Variants in PITPNM3 observed in about 807,000 individuals in gnomAD.
The protein encoded by PITPNM3 is membrane-associated phosphatidylinositol transfer protein 3.
Under a neutral mutation model 102.0 loss-of-function variants are expected in PITPNM3, and 26 were observed. That is an observed-to-expected ratio of 0.25 (90% CI 0.19 to 0.35). The LOEUF (loss-of-function observed/expected upper bound fraction) is 0.35, where lower values mean the gene tolerates loss of function less well. PITPNM3 is among the 10% of genes least tolerant of loss of function. The probability of loss-of-function intolerance (pLI) is 1.00; values close to 1 mark genes in which losing one functional copy is unlikely to be tolerated. For missense variants in PITPNM3, 1,083 were observed against 1,346.1 expected (o/e 0.80, Z 3.06); for synonymous variants, 578 against 558.6 (o/e 1.03, Z -0.49).
At chr17:6,475,689 C>T (rs939414624) in intron 9 of PITPNM3, among the ~76,000 whole-genome samples, 2 of 152,228 alleles carry the variant, frequency 1.3e-5, no homozygotes, top group Non-Finnish European at 1.5e-5. Context: ...AAACCACCAT[C>T]TGTCCCTACA....
In PITPNM3 at chr17:6,452,963, TCTCTCTCTCTCTTC is replaced by T. The variant is rs1913910846; in HGVS notation, c.*2361_*2374del. ...CATGAGCTCTCTCTCTCTCTTCCTC[TCTCTCTCTCTCTTC>T]CTCTCTCTCTCTCTCTGTCTTCCTT... On this transcript the variant is annotated 3_prime_UTR_variant, in exon 20 of 20. Transcript: ENST00000262483. 6.7e-6 allele frequency: 1 copy of T among 149,150 alleles called. No homozygotes were observed. The highest frequency in any genetic ancestry group is 1.5e-5 in the Non-Finnish European group (1 of 67,730). The allele number at this position is 149,150 out of a possible 1,614,324, so 9.2% of individuals were successfully genotyped here.
chr17:6,551,463 T>C (rs1265743251), intron 1 of PITPNM3, among the ~76,000 whole-genome samples: 1 of 152,116 alleles, frequency 6.6e-6, no homozygotes, highest in Non-Finnish European at 1.5e-5. Flanking sequence ...GAGTTTACCA[T>C]CTCCTTGCAG....
chr17:6,455,217 G>T lies in PITPNM3; in HGVS notation c.*121C>A. 1 of 1,300,976 alleles carries T rather than the reference G, an allele frequency of 7.7e-7. No individual in the cohort carries two copies. Among genetic ancestry groups the T allele is most frequent in the Non-Finnish European group, 1.0e-6 (1 of 970,664 alleles). The allele number at this position is 1,300,976 out of a possible 1,614,324, so 80.6% of individuals were successfully genotyped here. Reference sequence around the variant, plus strand: ...CTCCCCGCTCTGGTCGGACACTGCTGGACAGACACGGGAGGGAAAAAGCAG... The same window carrying T: ...CTCCCCGCTCTGGTCGGACACTGCTTGACAGACACGGGAGGGAAAAAGCAG... On this transcript the variant is annotated 3_prime_UTR_variant, in exon 20 of 20. Coordinates refer to ENST00000262483, the MANE Select transcript of PITPNM3 (RefSeq NM_031220.4).
At chr17:6,520,087 G>GT (rs1479328763) in intron 3 of PITPNM3, among the ~76,000 whole-genome samples, 1 of 152,158 alleles carries the variant, frequency 6.6e-6, no homozygotes, top group African/African-American at 2.4e-5. Context: ...AAGAAAATAT[G>GT]ATCAGTCAAC....
At position 6,483,678 on chromosome 17, in the gene PITPNM3, C is replaced by G. The variant is rs145663997; in HGVS notation, c.426G>C (p.Thr142=). The part of the protein sequence containing the change: ...LVLHGGNILD[T]GAGDPSCKAA... ...CCTTGCAGGACGGGTCCCCGGCACC[C>G]GTGTCCAGGATGTTTCCCCCATGCA... Residue 142 remains threonine, a synonymous_variant, in exon 6 of 20, where the codon ACG becomes ACC. Coordinates refer to ENST00000262483, the MANE Select transcript of PITPNM3 (RefSeq NM_031220.4). 2 of 1,613,924 alleles carry G rather than the reference C, an allele frequency of 1.2e-6. No individual in the cohort carries two copies. Among genetic ancestry groups the G allele is most frequent in the African/African-American group, 1.3e-5 (1 of 74,886 alleles).
Position 6,452,983 on chromosome 17 carries a change from T to A in PITPNM3, c.*2355A>T, listed in dbSNP as rs951582318. 1 of 131,048 alleles carries A rather than the reference T, an allele frequency of 7.6e-6. No individual in the cohort carries two copies. Among genetic ancestry groups the A allele is most frequent in the Non-Finnish European group, 1.6e-5 (1 of 62,120 alleles). The allele number at this position is 131,048 out of a possible 1,614,324, so 8.1% of individuals were successfully genotyped here. On this transcript the variant is annotated 3_prime_UTR_variant, in exon 20 of 20. Coordinates refer to ENST00000262483, the MANE Select transcript of PITPNM3 (RefSeq NM_031220.4). ...TCCTCTCTCTCTCTCTCTTCCTCTC[T>A]CTCTCTCTCTGTCTTCCTTTCTCTC...
chr17:6,545,213 A>G (rs1258000336), intron 1 of PITPNM3, among the ~76,000 whole-genome samples: 1 of 152,252 alleles, frequency 6.6e-6, no homozygotes, highest in Admixed American at 6.5e-5. Flanking sequence ...TGAGGATTAC[A>G]TGAACAAACA....
In PITPNM3 at chr17:6,451,746, TG is replaced by T. The variant is rs1225688681; in HGVS notation, c.*3591del. The stretch of plus-strand genomic sequence containing the variant: ...GAGCAGAGCCCAGGTCAGGCCTCAC[TG>T]CTTGGACTTAACCCTAACTATGATT... On this transcript the variant is annotated 3_prime_UTR_variant, in exon 20 of 20. Coordinates refer to ENST00000262483, the MANE Select transcript of PITPNM3 (RefSeq NM_031220.4). 6.6e-6 allele frequency: 1 copy of T among 151,216 alleles called. No homozygotes were observed. The highest frequency in any genetic ancestry group is 1.5e-5 in the Non-Finnish European group (1 of 67,912). 9.4% of individuals were successfully genotyped at this position (151,216 alleles called of 1,614,324 possible).
intron 4 of PITPNM3, among the ~76,000 whole-genome samples, chr17:6,502,997 G>A (rs913249183): frequency 3.3e-5 from 5 of 152,192 alleles, no homozygotes; most frequent in African/African-American, 1.2e-4. Context: ...GGGCTCTGCA[G>A]AGAGGTAGCC....
At chr17:6,523,972 G>A (rs1908682080) in intron 3 of PITPNM3, among the ~76,000 whole-genome samples, 1 of 152,250 alleles carries the variant, frequency 6.6e-6, no homozygotes, top group Non-Finnish European at 1.5e-5. Flanking sequence ...TGAGCCTGAT[G>A]TTGCCACCAG....
chr17:6,513,183 A>G (rs1043647369), intron 3 of PITPNM3, among the ~76,000 whole-genome samples: 1 of 152,212 alleles, frequency 6.6e-6, no homozygotes, highest in African/African-American at 2.4e-5. Context: ...ACAACAAAAG[A>G]TTCATAGTTA....
rs73978330 is a variant in PITPNM3, at chr17:6,536,944, A to G, written c.118+1043T>C. Among the ~76,000 whole-genome samples, 680 of 152,338 alleles carry G rather than the reference A, an allele frequency of 4.5e-3. 6 individuals carry two copies. Among genetic ancestry groups the G allele is most frequent in the African/African-American group, 0.015 (632 of 41,578 alleles). Reference sequence around the variant, plus strand: ...CTCCCCAACTCCTCTGCAGCCCAGCAGAGCATGGCTAGGGAGGGTCTTCTC... The same window carrying G: ...CTCCCCAACTCCTCTGCAGCCCAGCGGAGCATGGCTAGGGAGGGTCTTCTC... On this transcript the variant is annotated intron_variant, in intron 2 of 19. Transcript: ENST00000262483.
intron 4 of PITPNM3, among the ~76,000 whole-genome samples, chr17:6,501,302 A>T (rs35018546): frequency 0.22 from 33,989 of 152,012 alleles, 3,906 homozygotes; most frequent in South Asian, 0.31. Context: ...TAATGTTTTG[A>T]CATCTCTGGG....
At chr17:6,522,286 GCACACACA>G (rs35785551) in intron 3 of PITPNM3, among the ~76,000 whole-genome samples, 2 of 149,218 alleles carry the variant, frequency 1.3e-5, no homozygotes, top group Non-Finnish European at 3.0e-5. Flanking sequence ...TTTAGTGTGC[GCACACACA>G]CACACACACA....
intron 3 of PITPNM3, among the ~76,000 whole-genome samples, chr17:6,515,070 T>C (rs1009508601): frequency 6.6e-6 from 1 of 152,114 alleles, no homozygotes; most frequent in Non-Finnish European, 1.5e-5. Context: ...GAGTGACTGC[T>C]AATGGGTATG....
chr17:6,507,576 T>C (rs2090070), intron 3 of PITPNM3, among the ~76,000 whole-genome samples: 4,486 of 143,534 alleles, frequency 0.031, 213 homozygotes, highest in African/African-American at 0.1. Context: ...GGAGTGAGAC[T>C]CCATTTAAAA....
chr17:6,552,573 C>A (rs575620887), intron 1 of PITPNM3, among the ~76,000 whole-genome samples: 2 of 152,280 alleles, frequency 1.3e-5, no homozygotes, highest in Non-Finnish European at 2.9e-5. Context: ...TTTGGAGTTC[C>A]TTTTAGCCCT....
chr17:6,549,321 G>C (rs1308663355), intron 1 of PITPNM3, among the ~76,000 whole-genome samples: 1 of 152,180 alleles, frequency 6.6e-6, no homozygotes, highest in Non-Finnish European at 1.5e-5. Flanking sequence ...CCCATCTCTA[G>C]CCTCAAATCA....
chr17:6,457,948 A>G lies in PITPNM3; in HGVS notation c.2491-226T>C, dbSNP rs1597358279. ...CTGCCCAGTAAACAGTCGTGACCAC[A>G]CCATTTACCGGCCCCGCCTCCAACA... is the stretch of plus-strand genomic sequence containing the variant. On this transcript the variant is annotated intron_variant, in intron 18 of 19. Transcript: ENST00000262483. The surrounding 1 kb of genome is among the most constrained non-coding windows in gnomAD (Gnocchi z 4.7). Among the ~76,000 whole-genome samples, 1 of 148,308 alleles carries G rather than the reference A, an allele frequency of 6.7e-6. No individual in the cohort carries two copies. The highest frequency in any genetic ancestry group is 2.5e-5 in the African/African-American group (1 of 40,022).
Sources: gnomAD v4.1 joint callset for allele counts (sites outside exome capture counted in the v4.1 genomes callset) on GRCh38, gnomAD v4.1.1 for gene constraint, Gnocchi (gnomAD v3.1) non-coding constraint, MANE v1.5 for transcripts, NCBI Gene and HGNC (gene_info 2026-07-23, HGNC 2026-07-21) for gene names.